ITPR2: variants seen among roughly 807,000 people sequenced by gnomAD.
ITPR2 encodes the protein inositol 1,4,5-trisphosphate-gated calcium channel ITPR2.
In ITPR2, 207 loss-of-function variants were observed where a neutral mutation model predicts 317.1. The ratio of observed to expected loss-of-function variants is 0.65; its 90% CI spans 0.58 to 0.73. The LOEUF is 0.73. ITPR2 is among the 30% of genes least tolerant of loss of function. ITPR2 has a pLI of 0.00. For synonymous variants in ITPR2, 1,156 were observed against 1,149.1 expected (o/e 1.01, Z -0.12); for missense variants, 2,613 against 3,284.0 (o/e 0.80, Z 4.99).
At chr12:26,370,076 T>C (rs1471671846) in intron 55 of ITPR2, among the ~76,000 whole-genome samples, 1 of 152,204 alleles carries the variant, frequency 6.6e-6, no homozygotes, top group African/African-American at 2.4e-5. Flanking sequence ...TGGCTGTTGC[T>C]GATCTGTGTC....
intron 37 of ITPR2, among the ~76,000 whole-genome samples, chr12:26,522,629 T>A (rs78761099): frequency 6.6e-6 from 1 of 152,216 alleles, no homozygotes; most frequent in Admixed American, 6.5e-5. Flanking sequence ...CAGATAGTTA[T>A]GGAAATTGAA....
intron 40 of ITPR2, 109 bp from the exon 41 acceptor site, chr12:26,486,469 A>G: frequency 1.1e-6 from 1 of 950,284 alleles, no homozygotes. Flanking sequence ...ATTAAAAATA[A>G]TCTGACAAAA....
chr12:26,579,533 C>T (rs1460731542), intron 33 of ITPR2, among the ~76,000 whole-genome samples: 1 of 151,982 alleles, frequency 6.6e-6, no homozygotes, highest in Non-Finnish European at 1.5e-5. Flanking sequence ...CATCAATTTT[C>T]CCTTTAAAAC....
Position 26,494,296 on chromosome 12 carries a change from A to G in ITPR2, c.5227T>C (p.Ser1743Pro). ...QDSDKMGISM[S>P]DIQCLLDKEG... ...TTATCCAGCAGACACTGAATGTCTG[A>G]CATTGATATCCCCATCTTATCTGAA... is the stretch of plus-strand genomic sequence containing the variant. Residue 1743 changes from serine (S) to proline (P), a missense_variant, in exon 39 of 57, where the codon TCA becomes CCA. By Grantham distance (74) the Ser-to-Pro change is moderately conservative. Coordinates refer to ENST00000381340, the MANE Select transcript of ITPR2 (RefSeq NM_002223.4). 1 of 1,612,418 alleles carries G rather than the reference A, an allele frequency of 6.2e-7. No individual in the cohort carries two copies. Among genetic ancestry groups the G allele is most frequent in the Admixed American group, 1.7e-5 (1 of 59,764 alleles).
intron 1 of ITPR2, among the ~76,000 whole-genome samples, chr12:26,813,723 T>C (rs952835186): frequency 6.6e-5 from 10 of 152,188 alleles, no homozygotes; most frequent in Non-Finnish European, 1.5e-5. Context: ...GTAAAAGGAC[T>C]CGGATAATTC....
At chr12:26,361,210 C>CAAAA (rs11450670) in intron 55 of ITPR2, among the ~76,000 whole-genome samples, 2 of 143,806 alleles carry the variant, frequency 1.4e-5, no homozygotes, top group African/African-American at 5.2e-5. Context: ...AGCAAAACTC[C>CAAAA]AAAAAAAAAA....
intron 9 of ITPR2, among the ~76,000 whole-genome samples, chr12:26,707,985 A>C (rs1314764384): frequency 6.6e-6 from 1 of 152,202 alleles, no homozygotes; most frequent in African/African-American, 2.4e-5. Context: ...TGGCAAACAA[A>C]TATATAAAAA....
At chr12:26,736,185 A>G (rs1029240311) in intron 2 of ITPR2, among the ~76,000 whole-genome samples, 6 of 152,146 alleles carry the variant, frequency 3.9e-5, no homozygotes, top group African/African-American at 1.4e-4. Flanking sequence ...CAAACACCTG[A>G]GAAGGGAATA....
intron 37 of ITPR2, among the ~76,000 whole-genome samples, chr12:26,530,241 C>T (rs1000585877): frequency 3.3e-5 from 5 of 152,208 alleles, no homozygotes; most frequent in African/African-American, 9.7e-5. Flanking sequence ...CAGACCAGCA[C>T]ACTTAATGTG....
chr12:26,583,722 T>C (rs1945456479), intron 32 of ITPR2, among the ~76,000 whole-genome samples: 2 of 152,192 alleles, frequency 1.3e-5, no homozygotes, highest in African/African-American at 2.4e-5. Flanking sequence ...GTTTGTCTTA[T>C]AGTGTGTCAC....
chr12:26,533,136 C>A (rs1326232426), intron 37 of ITPR2, among the ~76,000 whole-genome samples: 1 of 152,202 alleles, frequency 6.6e-6, no homozygotes, highest in East Asian at 1.9e-4. Context: ...AAGCTAAAAA[C>A]TGCCACAAAC....
chr12:26,361,374 T>A (rs923226065), intron 55 of ITPR2, among the ~76,000 whole-genome samples: 10 of 152,208 alleles, frequency 6.6e-5, no homozygotes, highest in African/African-American at 2.4e-4. Flanking sequence ...ATATAAGATT[T>A]ATCACAATAT....
chr12:26,597,424 G>A (rs1376473197), intron 30 of ITPR2, among the ~76,000 whole-genome samples: 1 of 152,098 alleles, frequency 6.6e-6, no homozygotes, highest in Non-Finnish European at 1.5e-5. Flanking sequence ...AATTAAACCT[G>A]TAAAAAAATA....
At chr12:26,651,997 C>T (rs2136891838) in intron 21 of ITPR2, among the ~76,000 whole-genome samples, 1 of 152,318 alleles carries the variant, frequency 6.6e-6, no homozygotes, top group East Asian at 1.9e-4. Flanking sequence ...CACAGCTGCT[C>T]CCTGTGCTAT....
At chr12:26,756,924 G>A (rs571898909) in intron 2 of ITPR2, among the ~76,000 whole-genome samples, 1 of 152,272 alleles carries the variant, frequency 6.6e-6, no homozygotes, top group African/African-American at 2.4e-5. Flanking sequence ...GTCAGCAGAA[G>A]ATACAGGTCA....
In ITPR2 at chr12:26,656,661, T is replaced by C. The variant is rs1947374907; in HGVS notation, c.2193-113A>G. 8 of 1,090,652 alleles carry C rather than the reference T, an allele frequency of 7.3e-6. No individual in the cohort carries two copies. In the East Asian group the frequency reaches 7.4e-5, roughly 10 times the overall value. The allele number at this position is 1,090,652 out of a possible 1,614,324, so 67.6% of individuals were successfully genotyped here. A position where few individuals can be genotyped will look rare whatever the true frequency, so the allele number is the denominator to read the frequency against. On this transcript the variant is annotated intron_variant, in intron 18 of 56. Transcript: ENST00000381340. ...CACCTGTATTTCCAAGCATTCATGA[T>C]ATTGGAGTCAAACTCTTGACTGTAG...
In ITPR2 at chr12:26,832,681, C is replaced by T; in HGVS notation, c.92+9G>A. On this transcript the variant is annotated intron_variant, in intron 1 of 56. Transcript: ENST00000381340. ...CGCGAGCGCTGCCCAGCCCTCGTCT[C>T]CCGCTTACCCCAAGGTGCTGATGAA... 1 of 1,589,448 alleles carries T rather than the reference C, an allele frequency of 6.3e-7. No individual in the cohort carries two copies. The highest frequency in any genetic ancestry group is 1.7e-5 in the Admixed American group (1 of 57,732).
At chr12:26,544,161 G>T (rs1016415151) in intron 37 of ITPR2, among the ~76,000 whole-genome samples, 6 of 151,724 alleles carry the variant, frequency 4.0e-5, no homozygotes, top group African/African-American at 1.5e-4. Flanking sequence ...TCACATATAG[G>T]CACACTTCAC....
chr12:26,606,509 A>G (rs1170879302), intron 26 of ITPR2, among the ~76,000 whole-genome samples: 1 of 151,776 alleles, frequency 6.6e-6, no homozygotes, highest in East Asian at 1.9e-4. Flanking sequence ...GCAGAGAAAC[A>G]AAGAGTGAAT....
Sources: allele counts gnomAD v4.1 joint callset (sites outside exome capture counted in the v4.1 genomes callset), GRCh38; gene constraint gnomAD v4.1.1; transcripts MANE v1.5; gene names NCBI Gene and HGNC (gene_info 2026-07-23, HGNC 2026-07-21).